Variants in INPP4B observed in about 807,000 individuals in gnomAD.
INPP4B encodes inositol polyphosphate-4-phosphatase type II B.
A neutral mutation model predicts 122.5 loss-of-function variants in INPP4B; 55 were observed. The observed-to-expected ratio is 0.45, with a 90% CI of 0.36 to 0.56. The LOEUF is 0.56. Ranked by LOEUF, INPP4B falls within the 20% of genes least tolerant of loss-of-function variation. The probability of loss-of-function intolerance (pLI) is 0.00; values close to 1 mark genes in which losing one functional copy is unlikely to be tolerated. For synonymous variants in INPP4B, 403 were observed against 388.7 expected (o/e 1.04, Z -0.43); for missense variants, 1,000 against 1,097.7 (o/e 0.91, Z 1.26).
chr4:142,718,752 T>C (rs1764132667), intron 2 of INPP4B, among the ~76,000 whole-genome samples: 1 of 152,160 alleles, frequency 6.6e-6, no homozygotes, highest in African/African-American at 2.4e-5. Flanking sequence ...AATTAAAGAA[T>C]AACAATCAAA....
At chr4:142,184,085 A>G (rs1832076499) in intron 15 of INPP4B, among the ~76,000 whole-genome samples, 1 of 152,226 alleles carries the variant, frequency 6.6e-6, no homozygotes, top group African/African-American at 2.4e-5. Flanking sequence ...TTACAATTAA[A>G]GTCATTTCCT....
At chr4:142,118,732 G>A (rs1412898103) in intron 21 of INPP4B, among the ~76,000 whole-genome samples, 5 of 152,096 alleles carry the variant, frequency 3.3e-5, no homozygotes, top group African/African-American at 4.8e-5. Context: ...ACATAGGCAT[G>A]GGCAAGGACT....
chr4:142,699,286 CA>C (rs1381673476), intron 2 of INPP4B, among the ~76,000 whole-genome samples: 1 of 152,208 alleles, frequency 6.6e-6, no homozygotes, highest in Non-Finnish European at 1.5e-5. Context: ...ATCCATTGTA[CA>C]ACCACCTTTT....
chr4:142,827,152 G>T (rs1261094835), intron 1 of INPP4B, among the ~76,000 whole-genome samples: 2 of 152,152 alleles, frequency 1.3e-5, no homozygotes, highest in East Asian at 3.9e-4. Context: ...GCAGTAGCTT[G>T]TTCTTCATAC....
At position 142,548,749 on chromosome 4, in the gene INPP4B, C is replaced by CTGTGTG. The variant is rs35765248; in HGVS notation, c.-190-86029_-190-86024dup. Among the ~76,000 whole-genome samples the CTGTGTG allele has an allele frequency of 5.5e-5, 8 of 145,032 alleles. No homozygotes were observed. In the East Asian group the frequency reaches 6.0e-4, roughly 11 times the overall value. On this transcript the variant is annotated intron_variant, in intron 2 of 25. Transcript: ENST00000262992. ...CCAAATATAGTGCATACAGATGTGT[C>CTGTGTG]TGTGTGTGTGTGTGTGTGTGTGTGT... is the stretch of plus-strand genomic sequence containing the variant.
At chr4:142,046,621 A>G (rs554306018) in intron 25 of INPP4B, among the ~76,000 whole-genome samples, 3 of 152,238 alleles carry the variant, frequency 2.0e-5, no homozygotes, top group Admixed American at 2.0e-4. Flanking sequence ...GGAGGGAATA[A>G]GGTAGGAAAA....
rs150145317 is a variant in INPP4B, at chr4:142,444,148, C to T, written c.-126-12763G>A. On this transcript the variant is annotated intron_variant, in intron 3 of 25. Coordinates refer to ENST00000262992, the MANE Select transcript of INPP4B (RefSeq NM_001101669.3). Reference sequence around the variant, plus strand: ...TAACAGAGATGCAGAATGCCTTTGACAGGCTAACCAGTAGGTTTGACACAG... The same window carrying T: ...TAACAGAGATGCAGAATGCCTTTGATAGGCTAACCAGTAGGTTTGACACAG... Among the ~76,000 whole-genome samples, 4 of 152,272 alleles carry T rather than the reference C, an allele frequency of 2.6e-5. No homozygotes were observed. In the East Asian group the frequency reaches 7.7e-4, roughly 29 times the overall value.
intron 1 of INPP4B, among the ~76,000 whole-genome samples, chr4:142,767,071 A>G (rs1772256935): frequency 6.6e-6 from 1 of 152,226 alleles, no homozygotes; most frequent in African/African-American, 2.4e-5. Flanking sequence ...TGGTTTCCTC[A>G]ATGATAATCT....
At chr4:142,757,579 T>TTTC (rs1561035898) in intron 1 of INPP4B, among the ~76,000 whole-genome samples, 1 of 152,186 alleles carries the variant, frequency 6.6e-6, no homozygotes, top group Non-Finnish European at 1.5e-5. Context: ...TAATATTTAT[T>TTTC]TAAGCTTCCT....
At chr4:142,209,836 T>C (rs1478898851) in intron 12 of INPP4B, among the ~76,000 whole-genome samples, 1 of 108,096 alleles carries the variant, frequency 9.3e-6, no homozygotes, top group Non-Finnish European at 2.0e-5. Context: ...AATAAATAAA[T>C]GGTATTGTCA....
intron 2 of INPP4B, among the ~76,000 whole-genome samples, chr4:142,702,649 G>C (rs1488854212): frequency 7.1e-6 from 1 of 141,770 alleles, no homozygotes; most frequent in Non-Finnish European, 1.5e-5. Context: ...AGAATCACTT[G>C]AACCTGGGAG....
chr4:142,694,092 A>G (rs1423845417), intron 2 of INPP4B, among the ~76,000 whole-genome samples: 3 of 152,100 alleles, frequency 2.0e-5, no homozygotes, highest in Non-Finnish European at 4.4e-5. Context: ...AAGAAAGCTG[A>G]CTGGGCATGG....
chr4:142,288,301 T>C (rs1754775355), intron 9 of INPP4B, among the ~76,000 whole-genome samples: 1 of 152,206 alleles, frequency 6.6e-6, no homozygotes, highest in African/African-American at 2.4e-5. Flanking sequence ...GGCTGATTAC[T>C]AGGCCGGGCG....
chr4:142,585,095 C>T (rs1260297395), intron 2 of INPP4B, among the ~76,000 whole-genome samples: 1 of 152,024 alleles, frequency 6.6e-6, no homozygotes, highest in African/African-American at 2.4e-5. Flanking sequence ...GATGGGATTG[C>T]TGTTGTTGTT....
chr4:142,033,800 G>A (rs1435316559), intron 25 of INPP4B, among the ~76,000 whole-genome samples: 4 of 151,646 alleles, frequency 2.6e-5, no homozygotes, highest in Non-Finnish European at 4.4e-5. Flanking sequence ...AAGTAGCTGG[G>A]ACTGTAAGTG....
intron 23 of INPP4B, among the ~76,000 whole-genome samples, chr4:142,089,021 G>A (rs772139175): frequency 4.6e-5 from 7 of 152,188 alleles, no homozygotes; most frequent in African/African-American, 7.2e-5. Context: ...TACCAAGAGC[G>A]TTTGAGGCTG....
chr4:142,837,708 T>C (rs1159787836), intron 1 of INPP4B, among the ~76,000 whole-genome samples: 1 of 152,184 alleles, frequency 6.6e-6, no homozygotes, highest in Non-Finnish European at 1.5e-5. Flanking sequence ...AAATGATTTA[T>C]ATCTTCCAGA....
intron 2 of INPP4B, among the ~76,000 whole-genome samples, chr4:142,483,192 T>C (rs1820783949): frequency 7.3e-6 from 1 of 137,116 alleles, no homozygotes; most frequent in Non-Finnish European, 1.5e-5. Flanking sequence ...CTTTTTTTTT[T>C]TTTTTTTTTT....
At chr4:142,549,713 C>T (rs1271187211) in intron 2 of INPP4B, among the ~76,000 whole-genome samples, 3 of 152,124 alleles carry the variant, frequency 2.0e-5, no homozygotes, top group Non-Finnish European at 4.4e-5. Context: ...GATGGTTACA[C>T]AGGGGTGTCA....
Sources: allele counts gnomAD v4.1 joint callset (sites outside exome capture counted in the v4.1 genomes callset), GRCh38; gene constraint gnomAD v4.1.1; transcripts MANE v1.5; gene names NCBI Gene and HGNC (gene_info 2026-07-23, HGNC 2026-07-21).